The following ARK2N variants were observed in gnomAD, a reference collection of about 807,000 sequenced individuals.
ARK2N encodes protein ARK2N.
chr18:46,194,764 G>A, the ARK2N span, among the ~76,000 whole-genome samples: 80 of 148,436 alleles, frequency 5.4e-4, 1 homozygote, highest in African/African-American at 1.8e-3. Context: ...GTGAGCCACC[G>A]CGACCGGATT....
chr18:46,246,941 CAAAA>C, the ARK2N span, among the ~76,000 whole-genome samples: 1 of 84,408 alleles, frequency 1.2e-5, no homozygotes. Context: ...AACTCCATTT[CAAAA>C]AAAAAAAAAA....
At chr18:46,206,509 T>C in the ARK2N span, among the ~76,000 whole-genome samples, 1 of 152,152 alleles carries the variant, frequency 6.6e-6, no homozygotes, top group Admixed American at 6.6e-5. Flanking sequence ...TCCTCTCTCT[T>C]TAAAATATCT....
At chr18:46,207,268 GGATT>G in the ARK2N span, among the ~76,000 whole-genome samples, 30 of 152,050 alleles carry the variant, frequency 2.0e-4, no homozygotes, top group Admixed American at 6.5e-4. Context: ...AGTCCACTGT[GGATT>G]GATTATTTTA....
chr18:46,207,991 G>A, the ARK2N span, among the ~76,000 whole-genome samples: 1 of 152,106 alleles, frequency 6.6e-6, no homozygotes, highest in Non-Finnish European at 1.5e-5. Context: ...CGTTCTACTT[G>A]TTGGGCAAAA....
the ARK2N span, among the ~76,000 whole-genome samples, chr18:46,177,638 G>A: frequency 6.6e-6 from 1 of 151,830 alleles, no homozygotes; most frequent in South Asian, 2.1e-4. Context: ...ATGTTGGCCA[G>A]GTTGGTCTCG....
At chr18:46,210,700 A>G in the ARK2N span, among the ~76,000 whole-genome samples, 1 of 152,118 alleles carries the variant, frequency 6.6e-6, no homozygotes, top group Non-Finnish European at 1.5e-5. Flanking sequence ...ACTTGAACTC[A>G]GGAGTGTGTA....
At chr18:46,216,014 G>C in the ARK2N span, 4 of 1,614,134 alleles carry the variant, frequency 2.5e-6, no homozygotes, top group Non-Finnish European at 3.4e-6. The surrounding 1 kb of genome is among the most constrained non-coding windows in gnomAD (Gnocchi z 4.3). Flanking sequence ...CAGAAAGATG[G>C]TGTAGCGGAT....
At chr18:46,200,454 C>T in the ARK2N span, among the ~76,000 whole-genome samples, 1 of 152,044 alleles carries the variant, frequency 6.6e-6, no homozygotes, top group Non-Finnish European at 1.5e-5. Flanking sequence ...ATTACAGGCA[C>T]GTGCCACCAC....
chr18:46,244,535 T>A, the ARK2N span, among the ~76,000 whole-genome samples: 1 of 150,876 alleles, frequency 6.6e-6, no homozygotes, highest in Non-Finnish European at 1.5e-5. Context: ...ATCAGTATAG[T>A]GAAGGAGATG....
At chr18:46,186,345 G>A in the ARK2N span, among the ~76,000 whole-genome samples, 1 of 151,550 alleles carries the variant, frequency 6.6e-6, no homozygotes. Context: ...ACAGGTGCAC[G>A]CCACTATGCC....
the ARK2N span, among the ~76,000 whole-genome samples, chr18:46,183,750 C>T: frequency 6.6e-6 from 1 of 152,034 alleles, no homozygotes; most frequent in Non-Finnish European, 1.5e-5. Flanking sequence ...ATTGTCTATG[C>T]TGCAGCTTCT....
At chr18:46,230,953 A>G in the ARK2N span, among the ~76,000 whole-genome samples, 1 of 152,246 alleles carries the variant, frequency 6.6e-6, no homozygotes, top group Non-Finnish European at 1.5e-5. Context: ...AGTTTGTGCT[A>G]GCTCAGTCCT....
chr18:46,194,355 C>G, the ARK2N span, among the ~76,000 whole-genome samples: 1 of 151,958 alleles, frequency 6.6e-6, no homozygotes, highest in African/African-American at 2.4e-5. Flanking sequence ...AATCCCAGCA[C>G]CTTGGGAGGC....
chr18:46,260,511 T>G, the ARK2N span, among the ~76,000 whole-genome samples: 3 of 152,250 alleles, frequency 2.0e-5, no homozygotes, highest in Non-Finnish European at 4.4e-5. Context: ...TAAAGTAGCC[T>G]AAGCTGGTTT....
At chr18:46,260,236 A>G in the ARK2N span, among the ~76,000 whole-genome samples, 2 of 152,172 alleles carry the variant, frequency 1.3e-5, no homozygotes, top group Non-Finnish European at 2.9e-5. Flanking sequence ...TCATGGTTCT[A>G]AGCATGCTCT....
chr18:46,230,869 A>T, the ARK2N span, among the ~76,000 whole-genome samples: 89 of 152,292 alleles, frequency 5.8e-4, 1 homozygote, highest in South Asian at 0.018. Flanking sequence ...TTTAGTTGGC[A>T]TTTAAGAGGC....
the ARK2N span, chr18:46,240,025 CATT>C: frequency 2.5e-6 from 4 of 1,613,904 alleles, no homozygotes; most frequent in Admixed American, 3.3e-5. Flanking sequence ...AGTTGTAGCT[CATT>C]ATGATATGTC....
At chr18:46,191,197 T>G in the ARK2N span, among the ~76,000 whole-genome samples, 3 of 152,150 alleles carry the variant, frequency 2.0e-5, no homozygotes. Flanking sequence ...TAGACTTTAT[T>G]TTTTAGATGA....
At chr18:46,178,013 C>T in the ARK2N span, among the ~76,000 whole-genome samples, 3 of 152,184 alleles carry the variant, frequency 2.0e-5, no homozygotes, top group Non-Finnish European at 4.4e-5. Context: ...GTGAATAAGA[C>T]CAACAAGGCC....
Sources: allele counts gnomAD v4.1 joint callset (sites outside exome capture counted in the v4.1 genomes callset), GRCh38; gene constraint gnomAD v4.1.1; non-coding constraint Gnocchi (gnomAD v3.1); transcripts MANE v1.5; gene names NCBI Gene and HGNC (gene_info 2026-07-23, HGNC 2026-07-21).